Variants in SLC22A7 observed in about 807,000 individuals in gnomAD.
SLC22A7 encodes the protein solute carrier family 22 member 7.
Under a neutral mutation model 62.2 loss-of-function variants are expected in SLC22A7, and 48 were observed. That is an observed-to-expected ratio of 0.77 (90% confidence interval 0.61 to 0.98). The LOEUF is 0.98. SLC22A7 is among the 50% of genes least tolerant of loss of function. SLC22A7 has a pLI of 0.00. For synonymous variants in SLC22A7, 276 were observed against 314.8 expected (o/e 0.88, Z 1.30); for missense variants, 581 against 703.8 (o/e 0.83, Z 1.97).
rs374641067 is a variant in SLC22A7 at position 43,298,715 on chromosome 6, C to T, written c.357C>T (p.Tyr119=). The change falls in exon 1 of 11, where the codon TAC becomes TAT. Residue 119 remains tyrosine (Y), a synonymous_variant. Transcript: ENST00000372585. ...ATVPCSQGWE[Y]DHSEFSSTIA... Reference sequence around the variant, plus strand: ...TGCCCTGCTCTCAGGGCTGGGAGTACGACCACTCAGAATTCTCCTCTACCA... The same window carrying T: ...TGCCCTGCTCTCAGGGCTGGGAGTATGACCACTCAGAATTCTCCTCTACCA... 26 of 1,526,556 alleles carry T rather than the reference C, an allele frequency of 1.7e-5. No individual in the cohort carries two copies. In the African/African-American group the frequency reaches 2.8e-4, roughly 16 times the overall value. The allele number at this position is 1,526,556 out of a possible 1,614,324, so 94.6% of individuals were successfully genotyped here.
rs114923612 is a variant in SLC22A7, at chr6:43,301,051, G to C, written c.828-84G>C. The C allele has an allele frequency of 4.8e-5, 75 of 1,564,912 alleles. 1 individual carries two copies. In the African/African-American group the frequency reaches 8.4e-4, roughly 17 times the overall value. ...AGGGGACTACATGAGCAAGAGCCTG[G>C]AAGTTGAGAGCCTGTAGTATGTCCA... On this transcript the variant is annotated intron_variant, in intron 5 of 10. Transcript: ENST00000372585.
In SLC22A7 at chr6:43,299,516, T is replaced by C; in HGVS notation, c.503+23T>C. 6.2e-7 allele frequency: 1 copy of C among 1,606,688 alleles called. No individual in the cohort carries two copies. Reference sequence around the variant, plus strand: ...CAGGTGGGGTGAGGCACTGGGCCAATAAGAAACTGGCTGGGGGAACTTTCT... The same window carrying C: ...CAGGTGGGGTGAGGCACTGGGCCAACAAGAAACTGGCTGGGGGAACTTTCT... On this transcript the variant is annotated intron_variant, in intron 3 of 10. Transcript: ENST00000372585. This position sits in a 1 kb window ranked among gnomAD's most constrained non-coding sequence, Gnocchi z 4.4.
rs1277060429 is a variant in SLC22A7 at position 43,304,229 on chromosome 6, A to G, written c.1577A>G (p.Asp526Gly). ...RQAQLPETIQ[D>G]VERKSAPTSL... ...GCACAGCTGCCAGAGACCATCCAGG[A>G]CGTGGAGAGAAAGAGGTGTGTGCAC... Residue 526 changes from aspartate to glycine, a missense_variant, in exon 10 of 11, where the codon GAC becomes GGC. Physicochemically the swap from Asp to Gly is moderately conservative, Grantham distance 94 (BLOSUM62 -1). Transcript: ENST00000372585. 1.9e-6 allele frequency: 3 copies of G among 1,566,178 alleles called. No individual in the cohort carries two copies. Among genetic ancestry groups the G allele is most frequent in the Non-Finnish European group, 2.6e-6 (3 of 1,154,310 alleles).
intron 5 of SLC22A7, 73 bp downstream of exon 5, chr6:43,300,139 T>C: frequency 6.7e-7 from 1 of 1,495,080 alleles, no homozygotes; most frequent in Non-Finnish European, 9.2e-7. Flanking sequence ...GCCTGAGATT[T>C]GAGGATAGAG....
chr6:43,304,747 C>A lies in SLC22A7; in HGVS notation c.*22C>A. 6.5e-7 allele frequency: 1 copy of A among 1,536,808 alleles called. No homozygotes were observed. Among genetic ancestry groups the A allele is most frequent in the Non-Finnish European group, 8.8e-7 (1 of 1,133,504 alleles). ...CTAAGTGGGAGTGGAGGCAGGCCCT[C>A]CACAGAAGCTCTGCAGCAGGGGCTG... On this transcript the variant is annotated 3_prime_UTR_variant, in exon 11 of 11. Transcript: ENST00000372585.
At position 43,299,949 on chromosome 6, in the gene SLC22A7, G is replaced by A; in HGVS notation, c.710G>A (p.Ser237Asn). 6 of 1,614,186 alleles carry A rather than the reference G, an allele frequency of 3.7e-6. No homozygotes were observed. The highest frequency in any genetic ancestry group is 5.1e-6 in the Non-Finnish European group (6 of 1,180,030). Reference sequence around the variant, plus strand: ...CGCACCGTGGCTGGAGTCCTGAGCAGCACCTTCTGGACAGGGGGCGTGATG... The same window carrying A: ...CGCACCGTGGCTGGAGTCCTGAGCAACACCTTCTGGACAGGGGGCGTGATG... ...EHRTVAGVLS[S>N]TFWTGGVMLL... The change falls in exon 5 of 11, where the codon AGC (serine) becomes AAC (asparagine). Residue 237 changes from serine (S) to asparagine (N), a missense_variant. Transcript: ENST00000372585. The surrounding 1 kb of genome is among the most constrained non-coding windows in gnomAD (Gnocchi z 4.4).
Position 43,299,835 on chromosome 6 carries a change from C to CA in SLC22A7, c.658+55dup, listed in dbSNP as rs1308637132. ...TAGAGGGCTGGAAGAAGGCAGTTGT[C>CA]AGAGTGAGGCTGAGCCCATCTGGTC... On this transcript the variant is annotated intron_variant, in intron 4 of 10. Coordinates refer to ENST00000372585, the MANE Select transcript of SLC22A7 (RefSeq NM_153320.2). This position sits in a 1 kb window ranked among gnomAD's most constrained non-coding sequence, Gnocchi z 4.4. 1 of 1,614,158 alleles carries CA rather than the reference C, an allele frequency of 6.2e-7. No individual in the cohort carries two copies. The highest frequency in any genetic ancestry group is 1.1e-5 in the South Asian group (1 of 91,082).
At chr6:43,297,978 C>T (rs565320654), upstream of SLC22A7, 41 of 178,080 alleles carry the variant, frequency 2.3e-4, no homozygotes, top group Non-Finnish European at 4.3e-4. Flanking sequence ...GCCCCAGGGG[C>T]CTCCTCTTCT....
chr6:43,300,620 G>C (rs541423098), intron 5 of SLC22A7, among the ~76,000 whole-genome samples: 3 of 152,086 alleles, frequency 2.0e-5, no homozygotes, highest in Admixed American at 6.6e-5. Flanking sequence ...AGGAAGTGTG[G>C]GAAGAGGTGT....
Position 43,304,117 on chromosome 6 carries a change from G to A in SLC22A7, c.1465G>A (p.Val489Met). Residue 489 changes from valine to methionine, a missense_variant, in exon 10 of 11, where the codon GTG becomes ATG. By Grantham distance (21) the Val-to-Met change is conservative. Coordinates refer to ENST00000372585, the MANE Select transcript of SLC22A7 (RefSeq NM_153320.2). ...CCCACTGGCGGCCTTGCTGGATGGA[G>A]TGTGGCTGTCACTGCCCAAGCTTAC... The part of the protein sequence containing the change: ...LAPLAALLDG[V>M]WLSLPKLTYG... The A allele has an allele frequency of 6.2e-7, 1 of 1,607,928 alleles. No homozygotes were observed. The highest frequency in any genetic ancestry group is 8.5e-7 in the Non-Finnish European group (1 of 1,176,428).
Position 43,301,667 on chromosome 6 carries a change from A to G in SLC22A7, c.1036A>G (p.Ile346Val). 5.0e-6 allele frequency: 8 copies of G among 1,613,592 alleles called. No individual in the cohort carries two copies. The highest frequency in any genetic ancestry group is 6.8e-6 in the Non-Finnish European group (8 of 1,179,692). The change falls in exon 7 of 11, where the codon ATC becomes GTC. Residue 346 changes from isoleucine (I) to valine (V), a missense_variant. Coordinates refer to ENST00000372585, the MANE Select transcript of SLC22A7 (RefSeq NM_153320.2). Reference protein sequence around the residue: ...DLFRTPRLRHISLCCVVVWFG... With the variant: ...DLFRTPRLRHVSLCCVVVWFG... ...GTTCCGCACACCACGGCTCCGACAC[A>G]TCTCACTGTGCTGCGTGGTGGTGTG...
upstream of SLC22A7, among the ~76,000 whole-genome samples, chr6:43,296,748 G>C (rs994182718): frequency 2.6e-5 from 4 of 152,156 alleles, no homozygotes; most frequent in Non-Finnish European, 4.4e-5. Context: ...GGGGTGGACT[G>C]GGGGAGAGGA....
In SLC22A7 at chr6:43,301,240, G is replaced by A; in HGVS notation, c.933G>A (p.Glu311=). 6.2e-7 allele frequency: 1 copy of A among 1,614,184 alleles called. No individual in the cohort carries two copies. The highest frequency in any genetic ancestry group is 1.6e-4 in the Middle Eastern group (1 of 6,062). The change falls in exon 6 of 11, where the codon GAG becomes GAA. Residue 311 remains glutamate, a synonymous_variant. Transcript: ENST00000372585. ...CARLNGRPVC[E]DSFSQEAVSK... ...GGCTCAATGGGCGGCCAGTGTGTGAGGACAGCTTCAGCCAGGAGGTGAGGG... is the reference window on the plus strand; with the variant it reads ...GGCTCAATGGGCGGCCAGTGTGTGAAGACAGCTTCAGCCAGGAGGTGAGGG...
rs1475247257 is a variant in SLC22A7 at position 43,299,555 on chromosome 6, G to A, written c.503+62G>A. The A allele has an allele frequency of 6.2e-7, 1 of 1,608,904 alleles. No homozygotes were observed. Among genetic ancestry groups the A allele is most frequent in the Non-Finnish European group, 8.5e-7 (1 of 1,176,118 alleles). On this transcript the variant is annotated intron_variant, in intron 3 of 10. Coordinates refer to ENST00000372585, the MANE Select transcript of SLC22A7 (RefSeq NM_153320.2). This position sits in a 1 kb window ranked among gnomAD's most constrained non-coding sequence, Gnocchi z 4.4. ...GGGGAACTTTCTCCCACTAGCTGGG[G>A]TATGAGCCTAGTCTACCTATGCCTT...
At position 43,302,613 on chromosome 6, in the gene SLC22A7, TC is replaced by T. The variant is rs1778793770; in HGVS notation, c.1277-40del. ...ACCCTATCCAGAACACCCCTGGCTC[TC>T]CTCCAAGGCCCTCTCACTACCTGAA... On this transcript the variant is annotated intron_variant, in intron 8 of 10. Transcript: ENST00000372585. This position sits in a 1 kb window ranked among gnomAD's most constrained non-coding sequence, Gnocchi z 5.0. 1 of 1,457,618 alleles carries T rather than the reference TC, an allele frequency of 6.9e-7. No individual in the cohort carries two copies. 90.3% of individuals were successfully genotyped at this position (1,457,618 alleles called of 1,614,324 possible).
At position 43,298,756 on chromosome 6, in the gene SLC22A7, T is replaced by A; in HGVS notation, c.393+5T>A. ...TCCTCTACCATTGCAACTGAGGTAC[T>A]TAAGCCCAGAAGTTGAGAGACATGT... On this transcript the variant is annotated splice_donor_5th_base_variant and intron_variant, in intron 1 of 10. Coordinates refer to ENST00000372585, the MANE Select transcript of SLC22A7 (RefSeq NM_153320.2). 6.6e-7 allele frequency: 1 copy of A among 1,518,228 alleles called. No homozygotes were observed. The highest frequency in any genetic ancestry group is 1.3e-5 in the South Asian group (1 of 75,094). 94.0% of individuals were successfully genotyped at this position (1,518,228 alleles called of 1,614,324 possible).
chr6:43,302,788 G>C lies in SLC22A7; in HGVS notation c.1385+25G>C. ...GGTGAGGAAGCCTGCAACTGATCTG[G>C]GGGTATGGGGCTTGTTAGTCACGTG... is the stretch of plus-strand genomic sequence containing the variant. On this transcript the variant is annotated intron_variant, in intron 9 of 10. Transcript: ENST00000372585. This position sits in a 1 kb window ranked among gnomAD's most constrained non-coding sequence, Gnocchi z 5.0. The C allele has an allele frequency of 6.8e-7, 1 of 1,481,406 alleles. No homozygotes were observed. The highest frequency in any genetic ancestry group is 9.4e-7 in the Non-Finnish European group (1 of 1,066,820). The allele number at this position is 1,481,406 out of a possible 1,614,324, so 91.8% of individuals were successfully genotyped here.
At chr6:43,303,314 G>T (rs1185586142) in intron 9 of SLC22A7, 1 of 227,296 alleles carries the variant, frequency 4.4e-6, no homozygotes, top group African/African-American at 2.3e-5. Flanking sequence ...TACAAAATTA[G>T]CTGGGTGTGG....
At chr6:43,301,466 T>A in intron 6 of SLC22A7, 117 bp from the exon 7 acceptor site, 1 of 1,040,820 alleles carries the variant, frequency 9.6e-7, no homozygotes, top group Non-Finnish European at 1.4e-6. Context: ...GCCATGAGCA[T>A]CTCCATCCCC....
Sources: allele counts gnomAD v4.1 joint callset (sites outside exome capture counted in the v4.1 genomes callset), GRCh38; gene constraint gnomAD v4.1.1; non-coding constraint Gnocchi (gnomAD v3.1); transcripts MANE v1.5; gene names NCBI Gene and HGNC (gene_info 2026-07-23, HGNC 2026-07-21).